The following RBFOX3 variants were observed in gnomAD, a reference collection of about 807,000 sequenced individuals.
RBFOX3 encodes the protein RNA binding protein fox-1 homolog 3.
Under a neutral mutation model 48.7 loss-of-function variants are expected in RBFOX3, and 17 were observed. That is an observed-to-expected ratio of 0.35 (90% CI 0.24 to 0.52). The LOEUF is 0.52. Ranked by LOEUF, RBFOX3 falls within the 20% of genes least tolerant of loss-of-function variation. The pLI is 0.94. For synonymous variants in RBFOX3, 212 were observed against 209.5 expected (o/e 1.01, Z -0.10); for missense variants, 382 against 497.5 (o/e 0.77, Z 2.21).
intron 4 of RBFOX3, among the ~76,000 whole-genome samples, chr17:79,217,821 CG>C (rs1209684854): frequency 1.3e-5 from 2 of 152,090 alleles, no homozygotes; most frequent in African/African-American, 2.4e-5. Context: ...AAGGAGAACA[CG>C]GCAGATGTTC....
rs1174213175 is a variant in RBFOX3, at chr17:79,220,692, G to C, written c.-34+15074C>G. ...GGGGAGGACACTTTACTGAAGGTTA[G>C]AACAATTCTCATAAGGTCCCTCTTG... is the stretch of plus-strand genomic sequence containing the variant. On this transcript the variant is annotated intron_variant, in intron 4 of 14. Coordinates refer to ENST00000693108, the MANE Select transcript of RBFOX3 (RefSeq NM_001350451.2). The surrounding 1 kb of genome is among the most constrained non-coding windows in gnomAD (Gnocchi z 5.9). Among the ~76,000 whole-genome samples the C allele has an allele frequency of 4.6e-5, 7 of 152,114 alleles. No individual in the cohort carries two copies. The highest frequency in any genetic ancestry group is 7.4e-5 in the Non-Finnish European group (5 of 68,014).
At position 79,377,199 on chromosome 17, in the gene RBFOX3, G is replaced by A. The variant is rs369616267; in HGVS notation, c.-174-69375C>T. ...ATTTGTCTAGACACACAGAGCACAC[G>A]TGTACACAAAGATACACACACACTA... On this transcript the variant is annotated intron_variant, in intron 2 of 14. Transcript: ENST00000693108. Among the ~76,000 whole-genome samples, 185 of 151,706 alleles carry A rather than the reference G, an allele frequency of 1.2e-3. 1 individual carries two copies. The highest frequency in any genetic ancestry group is 6.2e-3 in the South Asian group (30 of 4,810).
chr17:79,322,561 A>T lies in RBFOX3; in HGVS notation c.-174-14737T>A, dbSNP rs1035779872. Among the ~76,000 whole-genome samples, 6 of 152,304 alleles carry T rather than the reference A, an allele frequency of 3.9e-5. No individual in the cohort carries two copies. The East Asian group carries it at 1.2e-3, about 29-fold the overall frequency. ...AAGCTCGCTTTCACAGGGAAGATGG[A>T]ACATGTGTCACGCAGCATCCAAAGG... On this transcript the variant is annotated intron_variant, in intron 2 of 14. Transcript: ENST00000693108.
chr17:79,656,811 GAAAGAGAA>G, the RBFOX3 span, among the ~76,000 whole-genome samples: 3 of 50,892 alleles, frequency 5.9e-5, no homozygotes, highest in African/African-American at 2.2e-4. Flanking sequence ...AGAAAGAAAA[GAAAGAGAA>G]AGAAAGAAAG....
Position 79,115,701 on chromosome 17 carries a change from G to GGGGGGGGGGGGGGGGGGGCC in RBFOX3, c.14_15insGGCCCCCCCCCCCCCCCCCC (p.Tyr5Ter). On this transcript the variant is annotated stop_gained and frameshift_variant, in exon 5 of 15. Transcript: ENST00000693108. LOFTEE classifies it high-confidence loss of function. ...GCGGAGGGGGGTACTGGGCGGGGGG[G>GGGGGGGGGGGGGGGGGGGCC]TAGGGCTGGGCCATCGCTTCAGGCG... The GGGGGGGGGGGGGGGGGGGCC allele has an allele frequency of 2.4e-6, 1 of 415,914 alleles. No homozygotes were observed. Among genetic ancestry groups the GGGGGGGGGGGGGGGGGGGCC allele is most frequent in the Non-Finnish European group, 4.5e-6 (1 of 222,392 alleles). The allele number at this position is 415,914 out of a possible 1,614,324, so 25.8% of individuals were successfully genotyped here.
At chr17:79,317,449 G>A (rs2077694993) in intron 2 of RBFOX3, among the ~76,000 whole-genome samples, 1 of 152,182 alleles carries the variant, frequency 6.6e-6, no homozygotes, top group African/African-American at 2.4e-5. Flanking sequence ...TCACCTGTGG[G>A]GCTCAGGGTG....
At chr17:79,373,475 C>T (rs563380331) in intron 2 of RBFOX3, among the ~76,000 whole-genome samples, 2 of 152,356 alleles carry the variant, frequency 1.3e-5, no homozygotes, top group East Asian at 1.9e-4. Context: ...ATTCAGAACA[C>T]ACCTGAAATC....
At chr17:79,358,802 T>C (rs1177066243) in intron 2 of RBFOX3, among the ~76,000 whole-genome samples, 1 of 152,212 alleles carries the variant, frequency 6.6e-6, no homozygotes, top group Non-Finnish European at 1.5e-5. Context: ...AGGCAGTGTT[T>C]CCAACACAGG....
At chr17:79,457,101 C>A (rs2074627109) in intron 2 of RBFOX3, among the ~76,000 whole-genome samples, 2 of 152,154 alleles carry the variant, frequency 1.3e-5, no homozygotes, top group South Asian at 4.1e-4. Context: ...TCTACAGGCA[C>A]CCTCCTCCCC....
At chr17:79,285,984 G>T (rs1188022231) in intron 3 of RBFOX3, among the ~76,000 whole-genome samples, 2 of 152,174 alleles carry the variant, frequency 1.3e-5, no homozygotes, top group Non-Finnish European at 2.9e-5. Flanking sequence ...CACCCGGCCT[G>T]TGCATTGGGT....
intron 3 of RBFOX3, among the ~76,000 whole-genome samples, chr17:79,244,696 G>GCCTGCCCTTCTC (rs2062878209): frequency 6.7e-6 from 1 of 148,358 alleles, no homozygotes; most frequent in Non-Finnish European, 1.5e-5. Context: ...CCCTCCTAGA[G>GCCTGCCCTTCTC]CCTTCCCTTC....
At chr17:79,128,477 C>G (rs1030107971) in intron 4 of RBFOX3, among the ~76,000 whole-genome samples, 2 of 152,190 alleles carry the variant, frequency 1.3e-5, no homozygotes, top group Admixed American at 6.5e-5. Context: ...CGTGCAGCCA[C>G]AGCTCTCTCT....
At chr17:79,633,125 AGTGT>A in the RBFOX3 span, among the ~76,000 whole-genome samples, 7 of 152,234 alleles carry the variant, frequency 4.6e-5, no homozygotes, top group Admixed American at 4.6e-4. Context: ...AACGCCCCAC[AGTGT>A]TCACGGGGCC....
At chr17:79,263,164 C>T (rs902670265) in intron 3 of RBFOX3, among the ~76,000 whole-genome samples, 3 of 152,066 alleles carry the variant, frequency 2.0e-5, no homozygotes, top group African/African-American at 4.8e-5. Flanking sequence ...TGCTGGGGTA[C>T]CCCCCCGGCT....
At chr17:79,184,082 G>C (rs534743702) in intron 4 of RBFOX3, among the ~76,000 whole-genome samples, 9 of 151,002 alleles carry the variant, frequency 6.0e-5, no homozygotes, top group African/African-American at 1.9e-4. Context: ...TTTCCTAAGG[G>C]AGGCCGGCTC....
In RBFOX3 at chr17:79,418,029, G is replaced by A. The variant is rs1262599870; in HGVS notation, c.-175+64425C>T. ...CTTAGAGTCATCAGATTCAGAGACA[G>A]AAAGGAGAATGGAGATGCCAGGGGC... On this transcript the variant is annotated intron_variant, in intron 2 of 14. Coordinates refer to ENST00000693108, the MANE Select transcript of RBFOX3 (RefSeq NM_001350451.2). This position sits in a 1 kb window ranked among gnomAD's most constrained non-coding sequence, Gnocchi z 5.0. Among the ~76,000 whole-genome samples, 6 of 152,196 alleles carry A rather than the reference G, an allele frequency of 3.9e-5. No homozygotes were observed. Among genetic ancestry groups the A allele is most frequent in the African/African-American group, 1.2e-4 (5 of 41,452 alleles).
At chr17:79,315,675 CT>C (rs1208203547) in intron 2 of RBFOX3, among the ~76,000 whole-genome samples, 1 of 152,268 alleles carries the variant, frequency 6.6e-6, no homozygotes, top group Non-Finnish European at 1.5e-5. Flanking sequence ...AAAGGGACCC[CT>C]CTGTGGTCGA....
At chr17:79,569,625 C>T (rs1334290561) in intron 1 of RBFOX3, among the ~76,000 whole-genome samples, 1 of 152,218 alleles carries the variant, frequency 6.6e-6, no homozygotes, top group Non-Finnish European at 1.5e-5. Flanking sequence ...CAGATTAAAC[C>T]TGCAGATTAA....
At chr17:79,179,071 A>T (rs1414554830) in intron 4 of RBFOX3, among the ~76,000 whole-genome samples, 1 of 152,238 alleles carries the variant, frequency 6.6e-6, no homozygotes, top group Non-Finnish European at 1.5e-5. Flanking sequence ...CAGGGGAAGC[A>T]TCAACAGCCC....
Sources: allele counts gnomAD v4.1 joint callset (sites outside exome capture counted in the v4.1 genomes callset), GRCh38; gene constraint gnomAD v4.1.1; non-coding constraint Gnocchi (gnomAD v3.1); transcripts MANE v1.5; gene names NCBI Gene and HGNC (gene_info 2026-07-23, HGNC 2026-07-21).